DOCK7: variants seen among roughly 807,000 people sequenced by gnomAD.
The protein encoded by DOCK7 is dedicator of cytokinesis 7, also known as dedicator of cytokinesis protein 7.
A neutral mutation model predicts 271.0 loss-of-function variants in DOCK7; 138 were observed. That is an observed-to-expected ratio of 0.51 (90% CI 0.44 to 0.59). DOCK7 has a LOEUF of 0.59. Among genes scored for constraint, DOCK7 ranks in the 20% least tolerant of loss-of-function variants. DOCK7 has a pLI of 0.00. For synonymous variants in DOCK7, 823 were observed against 876.1 expected (o/e 0.94, Z 1.07); for missense variants, 2,066 against 2,592.4 (o/e 0.80, Z 4.41).
intron 12 of DOCK7, among the ~76,000 whole-genome samples, chr1:62,622,161 T>C (rs879762874): frequency 3.3e-5 from 5 of 152,172 alleles, no homozygotes; most frequent in Admixed American, 6.5e-5. Context: ...AAGATGACAG[T>C]AGAATTTGAG....
chr1:62,496,873 C>T (rs955722910), intron 37 of DOCK7, among the ~76,000 whole-genome samples: 2 of 152,006 alleles, frequency 1.3e-5, no homozygotes, highest in Admixed American at 6.6e-5. Flanking sequence ...AATTCTAGTC[C>T]ATTTCATGAC....
chr1:62,648,091 T>G lies in DOCK7; in HGVS notation c.732+15A>C. 1 of 1,606,376 alleles carries G rather than the reference T, an allele frequency of 6.2e-7. No individual in the cohort carries two copies. The highest frequency in any genetic ancestry group is 8.5e-7 in the Non-Finnish European group (1 of 1,174,030). ...TTTAATAATCATTTGCTTCTTTATA[T>G]GCAAACATCTATACCTCATCTGGTG... On this transcript the variant is annotated intron_variant, in intron 6 of 49. Coordinates refer to ENST00000635253, the MANE Select transcript of DOCK7 (RefSeq NM_001367561.1).
chr1:62,542,548 T>C (rs1204410364), intron 25 of DOCK7, 60 bp downstream of exon 25: 6 of 1,480,222 alleles, frequency 4.1e-6, no homozygotes, highest in Non-Finnish European at 5.6e-6. Flanking sequence ...ACAAATGAGC[T>C]AGCATAAAAT....
intron 14 of DOCK7, among the ~76,000 whole-genome samples, chr1:62,591,268 T>C (rs1230423307): frequency 6.6e-6 from 1 of 152,180 alleles, no homozygotes; most frequent in Admixed American, 6.5e-5. Flanking sequence ...AAATACTGCA[T>C]GTTCTCACTT....
chr1:62,536,548 C>G (rs1645351853), intron 28 of DOCK7, among the ~76,000 whole-genome samples: 1 of 152,090 alleles, frequency 6.6e-6, no homozygotes. Context: ...GCATGCTAGC[C>G]AGACTGAAGA....
At chr1:62,571,175 C>A (rs1191364656) in intron 18 of DOCK7, among the ~76,000 whole-genome samples, 1 of 152,096 alleles carries the variant, frequency 6.6e-6, no homozygotes, top group Non-Finnish European at 1.5e-5. Context: ...GGTGTAATAT[C>A]CAGAGTCTAC....
In DOCK7 at chr1:62,670,805, T is replaced by C. The variant is rs760355169; in HGVS notation, c.39-7675A>G. Among the ~76,000 whole-genome samples, 309 of 152,182 alleles carry C rather than the reference T, an allele frequency of 2.0e-3. 1 individual carries two copies. The highest frequency in any genetic ancestry group is 3.2e-3 in the Non-Finnish European group (217 of 68,002). On this transcript the variant is annotated intron_variant, in intron 1 of 49. Transcript: ENST00000635253. ...TCAGCAGGATGTGGGTGGGGCCAGA[T>C]AAGAGAATAAAAGCAGGCTGCCCGA...
intron 29 of DOCK7, among the ~76,000 whole-genome samples, chr1:62,531,614 T>C (rs945369317): frequency 6.6e-6 from 1 of 152,230 alleles, no homozygotes; most frequent in African/African-American, 2.4e-5. Context: ...ACAATGAAAG[T>C]TTCTAAAGAG....
chr1:62,548,625 T>G (rs953455180), intron 22 of DOCK7, among the ~76,000 whole-genome samples: 5 of 152,116 alleles, frequency 3.3e-5, no homozygotes, highest in Admixed American at 2.0e-4. Flanking sequence ...TTCTCCATGT[T>G]GGTCAGGCTG....
intron 14 of DOCK7, among the ~76,000 whole-genome samples, chr1:62,609,797 G>A (rs533882485): frequency 6.6e-6 from 1 of 151,936 alleles, no homozygotes; most frequent in African/African-American, 2.4e-5. Context: ...CTTCTGGGTG[G>A]CTATGTTAAA....
rs1490239221 is a variant in DOCK7, at chr1:62,555,759, TA to T, written c.2596+65del. Reference sequence around the variant, plus strand: ...TGGATCACAGTATGGACTACAAAATTATCTCAATACTGACATGAACATATAA... The same window carrying T: ...TGGATCACAGTATGGACTACAAAATTTCTCAATACTGACATGAACATATAA... On this transcript the variant is annotated intron_variant, in intron 21 of 49. Transcript: ENST00000635253. 8 of 1,522,326 alleles carry T rather than the reference TA, an allele frequency of 5.3e-6. No homozygotes were observed. In the African/African-American group the frequency reaches 1.1e-4, roughly 21 times the overall value. The allele number at this position is 1,522,326 out of a possible 1,614,324, so 94.3% of individuals were successfully genotyped here.
chr1:62,609,234 G>A (rs1360435290), intron 14 of DOCK7: 1 of 151,996 alleles, frequency 6.6e-6, no homozygotes. Context: ...AATAAAATGA[G>A]GTTTTAATGA....
intron 48 of DOCK7, chr1:62,461,094 C>T (rs754322143): frequency 6.6e-6 from 1 of 152,120 alleles, no homozygotes; most frequent in Non-Finnish European, 1.5e-5. Flanking sequence ...AAACTCTTTG[C>T]ATAACTACAA....
intron 2 of DOCK7, among the ~76,000 whole-genome samples, chr1:62,655,212 T>C (rs1461122507): frequency 2.0e-5 from 3 of 152,100 alleles, no homozygotes; most frequent in African/African-American, 7.2e-5. Flanking sequence ...CCATACTTCT[T>C]ATCTAGTTCG....
intron 4 of DOCK7, among the ~76,000 whole-genome samples, chr1:62,650,997 T>C (rs1270354793): frequency 6.6e-6 from 1 of 152,080 alleles, no homozygotes; most frequent in African/African-American, 2.4e-5. Flanking sequence ...CATGCACACG[T>C]ATGTTTACTG....
intron 19 of DOCK7, among the ~76,000 whole-genome samples, chr1:62,560,876 A>G (rs565240621): frequency 3.3e-5 from 5 of 152,330 alleles, no homozygotes; most frequent in Non-Finnish European, 7.3e-5. Flanking sequence ...CCCATATTAC[A>G]CTGTAAGGTT....
chr1:62,607,821 C>A (rs1411372943), intron 14 of DOCK7: 1 of 152,170 alleles, frequency 6.6e-6, no homozygotes, highest in South Asian at 2.1e-4. Context: ...GTGGCTCACA[C>A]CTGTAATCCA....
At chr1:62,640,549 T>C (rs1410908518) in intron 7 of DOCK7, among the ~76,000 whole-genome samples, 2 of 152,028 alleles carry the variant, frequency 1.3e-5, no homozygotes, top group African/African-American at 4.8e-5. Flanking sequence ...ATTAAGTGTG[T>C]GTGTGTGTAT....
chr1:62,580,425 C>A (rs1366907741), intron 16 of DOCK7, among the ~76,000 whole-genome samples: 1 of 152,022 alleles, frequency 6.6e-6, no homozygotes. Context: ...CATTTTAATT[C>A]CACTAATGCT....
Sources: gnomAD v4.1 joint callset for allele counts (sites outside exome capture counted in the v4.1 genomes callset) on GRCh38, gnomAD v4.1.1 for gene constraint, MANE v1.5 for transcripts, NCBI Gene and HGNC (gene_info 2026-07-23, HGNC 2026-07-21) for gene names.